MACROD2: variants seen among roughly 807,000 people sequenced by gnomAD.
The protein encoded by MACROD2 is ADP-ribose glycohydrolase MACROD2.
A neutral mutation model predicts 70.4 loss-of-function variants in MACROD2; 36 were observed. That is an observed-to-expected ratio of 0.51 (90% CI 0.39 to 0.68). The LOEUF is 0.68. Among genes scored for constraint, MACROD2 ranks in the 30% least tolerant of loss-of-function variants. The pLI is 0.00. For synonymous variants in MACROD2, 172 were observed against 178.8 expected (o/e 0.96, Z 0.30); for missense variants, 496 against 538.4 (o/e 0.92, Z 0.78).
chr20:15,762,072 A>G (rs559071302), intron 8 of MACROD2, among the ~76,000 whole-genome samples: 51 of 152,324 alleles, frequency 3.3e-4, no homozygotes, highest in Admixed American at 1.4e-3. Flanking sequence ...GAAATTGAGT[A>G]TGCCAATTTT....
chr20:15,585,965 G>A (rs753525101), intron 8 of MACROD2, among the ~76,000 whole-genome samples: 12 of 152,120 alleles, frequency 7.9e-5, no homozygotes, highest in Non-Finnish European at 1.3e-4. Context: ...TCCAATTCAA[G>A]TAAAGGGCTG....
At chr20:14,555,907 A>T (rs547228504) in intron 4 of MACROD2, among the ~76,000 whole-genome samples, 67 of 152,094 alleles carry the variant, frequency 4.4e-4, no homozygotes, top group Non-Finnish European at 7.4e-4. Flanking sequence ...TAGAATGCTG[A>T]CATCAGTTGT....
intron 15 of MACROD2, among the ~76,000 whole-genome samples, chr20:15,988,464 A>G (rs1462386710): frequency 6.6e-6 from 1 of 152,176 alleles, no homozygotes; most frequent in Non-Finnish European, 1.5e-5. Context: ...GTAAAGAGGA[A>G]AATCAAACAG....
At chr20:15,270,734 T>C (rs2077339229) in intron 6 of MACROD2, among the ~76,000 whole-genome samples, 1 of 152,200 alleles carries the variant, frequency 6.6e-6, no homozygotes, top group South Asian at 2.1e-4. Flanking sequence ...GATCTTTATG[T>C]ACTAGAAATA....
chr20:15,744,830 A>G (rs1397852494), intron 8 of MACROD2, among the ~76,000 whole-genome samples: 3 of 151,850 alleles, frequency 2.0e-5, no homozygotes, highest in Non-Finnish European at 2.9e-5. Flanking sequence ...CTTTTTTTAA[A>G]ATTTTTTATT....
intron 8 of MACROD2, among the ~76,000 whole-genome samples, chr20:15,539,417 C>T (rs112468618): frequency 3.9e-5 from 6 of 152,150 alleles, no homozygotes; most frequent in Non-Finnish European, 7.3e-5. Flanking sequence ...TCACATGAAA[C>T]GGGCCAAGAA....
chr20:15,569,847 C>T (rs962728179), intron 8 of MACROD2, among the ~76,000 whole-genome samples: 2 of 152,086 alleles, frequency 1.3e-5, no homozygotes, highest in African/African-American at 4.8e-5. Flanking sequence ...AATAGTATTC[C>T]ATTGTATATA....
At chr20:15,017,060 A>G (rs2075127365) in intron 5 of MACROD2, among the ~76,000 whole-genome samples, 1 of 152,052 alleles carries the variant, frequency 6.6e-6, no homozygotes, top group Non-Finnish European at 1.5e-5. Context: ...CAGTCCTCCA[A>G]AGTCTTAGCT....
intron 8 of MACROD2, among the ~76,000 whole-genome samples, chr20:15,674,991 T>C (rs1568967455): frequency 1.3e-5 from 2 of 152,200 alleles, no homozygotes; most frequent in Non-Finnish European, 2.9e-5. Context: ...TGCAGGCTTA[T>C]GCTGTTTGCA....
intron 5 of MACROD2, among the ~76,000 whole-genome samples, chr20:14,954,960 A>T (rs1181790386): frequency 8.6e-5 from 1 of 11,622 alleles, no homozygotes; most frequent in Non-Finnish European, 1.6e-4. Flanking sequence ...ATTATATATA[A>T]TTTATATTTT....
Position 15,303,535 on chromosome 20 carries a change from C to G in MACROD2, c.540+73474C>G, listed in dbSNP as rs149401920. ...CATCCTCTCTTTCATTGTTTTTACT[C>G]TAGTTCACTCCATCAACAACAATCA... On this transcript the variant is annotated intron_variant, in intron 6 of 17. Coordinates refer to ENST00000684519, the MANE Select transcript of MACROD2 (RefSeq NM_001351661.2). 2.7e-3 allele frequency among the ~76,000 whole-genome samples: 410 copies of G among 152,318 alleles called. 1 individual carries two copies. Among genetic ancestry groups the G allele is most frequent in the African/African-American group, 9.4e-3 (389 of 41,580 alleles).
At chr20:15,095,168 C>CCAG (rs201157776) in intron 5 of MACROD2, among the ~76,000 whole-genome samples, 5,275 of 147,466 alleles carry the variant, frequency 0.036, 104 homozygotes, top group Middle Eastern at 0.12. Flanking sequence ...GCTCCGCCTC[C>CCAG]CAGGTTCACG....
chr20:14,743,670 G>A (rs945634460), intron 5 of MACROD2, among the ~76,000 whole-genome samples: 4 of 149,516 alleles, frequency 2.7e-5, no homozygotes, highest in African/African-American at 9.7e-5. Flanking sequence ...TTTGTTACAA[G>A]AGCAATAGAA....
In MACROD2 at chr20:14,388,872, G is replaced by C. The variant is rs542084373; in HGVS notation, c.272-104607G>C. Among the ~76,000 whole-genome samples the C allele has an allele frequency of 1.3e-4, 20 of 152,130 alleles. 1 individual carries two copies. The highest frequency in any genetic ancestry group is 2.9e-4 in the Non-Finnish European group (20 of 67,964). On this transcript the variant is annotated intron_variant, in intron 3 of 17. Transcript: ENST00000684519. ...ATGAGAACTGAGACACAGAGAGAGA[G>C]AGCAGTTTTTGTTTTTCATTTTTGA...
intron 5 of MACROD2, among the ~76,000 whole-genome samples, chr20:14,757,278 TCAGTAA>T (rs2071953686): frequency 6.6e-6 from 1 of 152,136 alleles, no homozygotes; most frequent in Non-Finnish European, 1.5e-5. Flanking sequence ...GAAATCACTT[TCAGTAA>T]CAGTAAATTA....
At chr20:15,753,932 A>G (rs552257401) in intron 8 of MACROD2, among the ~76,000 whole-genome samples, 3 of 152,326 alleles carry the variant, frequency 2.0e-5, no homozygotes, top group Admixed American at 2.0e-4. Flanking sequence ...ATATGAAGTA[A>G]AAATGGTCAG....
chr20:14,786,219 A>AGAGAGAGAGAGATT (rs1427547795), intron 5 of MACROD2, among the ~76,000 whole-genome samples: 4 of 151,416 alleles, frequency 2.6e-5, no homozygotes, highest in African/African-American at 4.9e-5. Flanking sequence ...AGAGAGAGAG[A>AGAGAGAGAGAGATT]GAGAGAGAGA....
intron 8 of MACROD2, among the ~76,000 whole-genome samples, chr20:15,605,324 GA>G (rs2048877580): frequency 6.6e-6 from 1 of 152,012 alleles, no homozygotes. Context: ...TTGTAATATA[GA>G]TTTTTTTTTC....
At chr20:14,855,307 G>C (rs540772782) in intron 5 of MACROD2, among the ~76,000 whole-genome samples, 20 of 152,210 alleles carry the variant, frequency 1.3e-4, no homozygotes, top group African/African-American at 4.3e-4. Context: ...TCATTAACTA[G>C]CTTGTTACCA....
Sources: gnomAD v4.1 joint callset for allele counts (sites outside exome capture counted in the v4.1 genomes callset) on GRCh38, gnomAD v4.1.1 for gene constraint, MANE v1.5 for transcripts, NCBI Gene and HGNC (gene_info 2026-07-23, HGNC 2026-07-21) for gene names.